The following MACROD2 variants were observed in gnomAD, a reference collection of about 807,000 sequenced individuals.
The protein encoded by MACROD2 is mono-ADP ribosylhydrolase 2.
A neutral mutation model predicts 70.4 loss-of-function variants in MACROD2; 36 were observed. The observed-to-expected ratio is 0.51, with a 90% CI of 0.39 to 0.68. The LOEUF is 0.68. MACROD2 is among the 30% of genes least tolerant of loss of function. MACROD2 has a pLI of 0.00. For missense variants in MACROD2, 496 were observed against 538.4 expected (o/e 0.92, Z 0.78); for synonymous variants, 172 against 178.8 (o/e 0.96, Z 0.30).
intron 3 of MACROD2, among the ~76,000 whole-genome samples, chr20:14,377,004 T>C (rs1024828944): frequency 2.6e-5 from 4 of 152,118 alleles, no homozygotes; most frequent in African/African-American, 9.7e-5. Context: ...CCCTGGCACA[T>C]AGGAGACATC....
intron 8 of MACROD2, among the ~76,000 whole-genome samples, chr20:15,566,211 C>T (rs918354601): frequency 2.6e-5 from 4 of 152,132 alleles, no homozygotes; most frequent in South Asian, 2.1e-4. Flanking sequence ...AGGCTGGGCA[C>T]GGTGGCTCAT....
intron 8 of MACROD2, among the ~76,000 whole-genome samples, chr20:15,845,016 T>C (rs972885705): frequency 2.8e-4 from 43 of 152,272 alleles, no homozygotes; most frequent in African/African-American, 9.9e-4. Context: ...TTCATGGCAG[T>C]CTTTCACATC....
chr20:14,074,442 C>G (rs980784829), intron 2 of MACROD2, among the ~76,000 whole-genome samples: 2 of 152,154 alleles, frequency 1.3e-5, no homozygotes, highest in Non-Finnish European at 2.9e-5. Flanking sequence ...GTTGATGAGT[C>G]TGACTCCTAA....
At chr20:14,689,651 C>G (rs907764084) in intron 5 of MACROD2, among the ~76,000 whole-genome samples, 5 of 152,144 alleles carry the variant, frequency 3.3e-5, no homozygotes, top group Non-Finnish European at 7.4e-5. Context: ...TTGCTCCTTT[C>G]ACTTGTCTTC....
intron 5 of MACROD2, among the ~76,000 whole-genome samples, chr20:14,950,107 G>A (rs1434406690): frequency 1.3e-5 from 2 of 152,128 alleles, no homozygotes; most frequent in Non-Finnish European, 1.5e-5. Context: ...CTGGCTGCTA[G>A]TGTTTTAACT....
At chr20:15,228,485 TTC>T (rs1411705460) in intron 5 of MACROD2, among the ~76,000 whole-genome samples, 9 of 130,450 alleles carry the variant, frequency 6.9e-5, no homozygotes, top group African/African-American at 2.1e-4. Context: ...TTTTCCTTCT[TTC>T]TTTTTTTTTT....
intron 5 of MACROD2, among the ~76,000 whole-genome samples, chr20:14,766,804 G>A (rs946740884): frequency 9.9e-5 from 15 of 152,052 alleles, no homozygotes; most frequent in African/African-American, 1.2e-4. Context: ...AGTAATCAAC[G>A]CAAAAGAAGG....
chr20:14,903,382 C>A (rs747852524), intron 5 of MACROD2, among the ~76,000 whole-genome samples: 14 of 152,054 alleles, frequency 9.2e-5, no homozygotes, highest in Non-Finnish European at 2.1e-4. Flanking sequence ...CAGGAACAGA[C>A]AACAGATGAT....
chr20:14,603,631 G>A (rs564510521), intron 4 of MACROD2, among the ~76,000 whole-genome samples: 1 of 152,132 alleles, frequency 6.6e-6, no homozygotes, highest in African/African-American at 2.4e-5. Context: ...TTTAGGGGAT[G>A]ATTTTCTCAC....
chr20:15,739,404 C>A (rs2051071842), intron 8 of MACROD2, among the ~76,000 whole-genome samples: 1 of 152,144 alleles, frequency 6.6e-6, no homozygotes, highest in African/African-American at 2.4e-5. Flanking sequence ...AGAACACATT[C>A]TGTGAGAAGA....
intron 4 of MACROD2, among the ~76,000 whole-genome samples, chr20:14,532,475 A>G (rs2423804): frequency 0.49 from 74,632 of 151,342 alleles, 18,802 homozygotes; most frequent in African/African-American, 0.57. Flanking sequence ...CGCACGTCTC[A>G]GCCTCCCAAA....
intron 5 of MACROD2, among the ~76,000 whole-genome samples, chr20:14,809,606 G>A (rs772023551): frequency 6.6e-6 from 1 of 151,596 alleles, no homozygotes; most frequent in East Asian, 1.9e-4. Context: ...GAAGGAGAAA[G>A]AGACACAAAA....
intron 10 of MACROD2, among the ~76,000 whole-genome samples, chr20:15,931,345 C>G (rs1423219655): frequency 1.3e-5 from 2 of 152,198 alleles, no homozygotes; most frequent in East Asian, 3.9e-4. Flanking sequence ...ACCCCAGGTT[C>G]TCATATTATA....
intron 3 of MACROD2, among the ~76,000 whole-genome samples, chr20:14,257,860 G>T (rs1190456323): frequency 1.3e-5 from 2 of 151,420 alleles, no homozygotes; most frequent in Non-Finnish European, 2.9e-5. Flanking sequence ...ACTGTAGCCA[G>T]TGTGTAGTCT....
chr20:14,896,521 G>A (rs150980117), intron 5 of MACROD2, among the ~76,000 whole-genome samples: 42 of 152,186 alleles, frequency 2.8e-4, no homozygotes, highest in African/African-American at 9.4e-4. Flanking sequence ...GTTTGCAGCA[G>A]GTCATGAACT....
At chr20:14,276,865 G>T (rs1480037009) in intron 3 of MACROD2, among the ~76,000 whole-genome samples, 1 of 152,066 alleles carries the variant, frequency 6.6e-6, no homozygotes, top group Non-Finnish European at 1.5e-5. Context: ...CAAAACCATA[G>T]AATACTTAAC....
At chr20:15,096,382 A>G (rs1214467571) in intron 5 of MACROD2, among the ~76,000 whole-genome samples, 2 of 148,744 alleles carry the variant, frequency 1.3e-5, no homozygotes, top group African/African-American at 2.5e-5. Flanking sequence ...TTTATTGTTC[A>G]TGTATGTTTT....
chr20:15,172,814 G>T (rs991246107), intron 5 of MACROD2, among the ~76,000 whole-genome samples: 2 of 152,310 alleles, frequency 1.3e-5, no homozygotes, highest in African/African-American at 2.4e-5. Flanking sequence ...CCTGCCAGTA[G>T]AGCCATACTA....
At chr20:15,493,710 C>T (rs1206085651) in intron 7 of MACROD2, among the ~76,000 whole-genome samples, 1 of 152,144 alleles carries the variant, frequency 6.6e-6, no homozygotes, top group Non-Finnish European at 1.5e-5. Flanking sequence ...AAATTGTCCC[C>T]AGCAAAGTGA....
Sources: allele counts gnomAD v4.1 joint callset (sites outside exome capture counted in the v4.1 genomes callset), GRCh38; gene constraint gnomAD v4.1.1; transcripts MANE v1.5; gene names NCBI Gene and HGNC (gene_info 2026-07-23, HGNC 2026-07-21).